Variants in SLC60A2 observed in about 807,000 individuals in gnomAD.
The protein encoded by SLC60A2 is solute carrier family 60 member 2, also known as major facilitator superfamily domain containing 4B.
chr6:111,274,368 A>C, the SLC60A2 span, among the ~76,000 whole-genome samples: 36 of 152,228 alleles, frequency 2.4e-4, no homozygotes, highest in African/African-American at 8.2e-4. Context: ...CCATACCTAC[A>C]CTTTCAGTCC....
At chr6:111,275,566 C>T in the SLC60A2 span, among the ~76,000 whole-genome samples, 6 of 151,898 alleles carry the variant, frequency 4.0e-5, no homozygotes, top group Non-Finnish European at 8.8e-5. Context: ...TGCACCACCA[C>T]GCCCAGCTAA....
chr6:111,264,426 T>TA, the SLC60A2 span, among the ~76,000 whole-genome samples: 2 of 47,778 alleles, frequency 4.2e-5, no homozygotes, highest in African/African-American at 5.7e-5. Flanking sequence ...TCTTTCTTTT[T>TA]CTTTCTGTCC....
chr6:111,262,093 A>G, the SLC60A2 span, among the ~76,000 whole-genome samples: 1 of 152,178 alleles, frequency 6.6e-6, no homozygotes, highest in Non-Finnish European at 1.5e-5. Context: ...AAAAAAAATA[A>G]GAGTTTTAGT....
At chr6:111,273,210 G>T in the SLC60A2 span, among the ~76,000 whole-genome samples, 2 of 152,088 alleles carry the variant, frequency 1.3e-5, no homozygotes, top group East Asian at 3.9e-4. Context: ...GAGTGCAGTC[G>T]CCTAATCATG....
chr6:111,261,199 A>G, the SLC60A2 span, among the ~76,000 whole-genome samples: 1 of 152,014 alleles, frequency 6.6e-6, no homozygotes, highest in East Asian at 1.9e-4. Flanking sequence ...GTAGATTTAG[A>G]AACATTTAAA....
the SLC60A2 span, chr6:111,262,305 A>G: frequency 6.2e-7 from 1 of 1,614,184 alleles, no homozygotes; most frequent in Non-Finnish European, 8.5e-7. Context: ...TTTGGCAACA[A>G]ACGTGAACCG....
the SLC60A2 span, chr6:111,266,711 G>T: frequency 6.2e-7 from 1 of 1,614,042 alleles, no homozygotes; most frequent in Non-Finnish European, 8.5e-7. Flanking sequence ...ACCCTGATTT[G>T]CCTGTAGTTC....
chr6:111,267,084 T>C, the SLC60A2 span: 4 of 1,612,470 alleles, frequency 2.5e-6, no homozygotes, highest in Non-Finnish European at 3.4e-6. Flanking sequence ...TGTGAAGCAC[T>C]TGCCAGAAAC....
the SLC60A2 span, chr6:111,266,495 T>G: frequency 6.2e-7 from 1 of 1,614,220 alleles, no homozygotes; most frequent in African/African-American, 1.3e-5. Context: ...CATCTTTATT[T>G]CTGGTGCTTT....
chr6:111,262,559 G>T, the SLC60A2 span: 2 of 769,198 alleles, frequency 2.6e-6, no homozygotes, highest in Non-Finnish European at 4.3e-6. Context: ...CTCAATGGCA[G>T]TTGAGTTTCC....
the SLC60A2 span, chr6:111,266,829 G>A: frequency 6.2e-7 from 1 of 1,613,928 alleles, no homozygotes; most frequent in Non-Finnish European, 8.5e-7. Flanking sequence ...CAGAAAGAGT[G>A]AGGACCAGAA....
the SLC60A2 span, chr6:111,277,862 C>T: frequency 2.6e-5 from 4 of 152,192 alleles, no homozygotes; most frequent in African/African-American, 9.7e-5. Context: ...AGGAATCTGA[C>T]ACCAACTTTT....
At chr6:111,263,400 TCCTC>T in the SLC60A2 span, among the ~76,000 whole-genome samples, 3 of 152,226 alleles carry the variant, frequency 2.0e-5, no homozygotes, top group African/African-American at 7.2e-5. Context: ...TCTTGTATTT[TCCTC>T]CCTATTTCCC....
chr6:111,272,723 G>A, the SLC60A2 span, among the ~76,000 whole-genome samples: 4,533 of 151,884 alleles, frequency 0.03, 207 homozygotes, highest in African/African-American at 0.1. Context: ...TGTTGGTCAG[G>A]CTGGTCTCGA....
the SLC60A2 span, among the ~76,000 whole-genome samples, chr6:111,276,087 G>A: frequency 6.6e-6 from 1 of 152,174 alleles, no homozygotes; most frequent in African/African-American, 2.4e-5. Flanking sequence ...GATCATCCTT[G>A]TTGTAGCATG....
At chr6:111,271,582 A>T in the SLC60A2 span, among the ~76,000 whole-genome samples, 5 of 151,620 alleles carry the variant, frequency 3.3e-5, no homozygotes, top group African/African-American at 7.3e-5. Flanking sequence ...TTATTTTTTT[A>T]AAAAAACCTA....
chr6:111,266,866 A>G, the SLC60A2 span: 6 of 1,613,932 alleles, frequency 3.7e-6, no homozygotes, highest in Admixed American at 6.7e-5. Flanking sequence ...TCCGGGCTAA[A>G]TGAATATGAG....
At chr6:111,271,244 T>C in the SLC60A2 span, 3 of 151,982 alleles carry the variant, frequency 2.0e-5, no homozygotes, top group Non-Finnish European at 4.4e-5. Flanking sequence ...CTTGAGTTTA[T>C]TTGTATTTTA....
chr6:111,265,235 T>C, the SLC60A2 span: 1 of 926,416 alleles, frequency 1.1e-6, no homozygotes, highest in Non-Finnish European at 1.3e-6. Flanking sequence ...AATTATAGGG[T>C]AGAATTATAT....
Sources: gnomAD v4.1 joint callset for allele counts (sites outside exome capture counted in the v4.1 genomes callset) on GRCh38, gnomAD v4.1.1 for gene constraint, MANE v1.5 for transcripts, NCBI Gene and HGNC (gene_info 2026-07-23, HGNC 2026-07-21) for gene names.